Variants in DOCK11 observed in about 807,000 individuals in gnomAD.
DOCK11 encodes dedicator of cytokinesis protein 11.
Under a neutral mutation model 169.1 loss-of-function variants are expected in DOCK11, and 70 were observed. The observed-to-expected ratio is 0.41, with a 90% CI of 0.34 to 0.51. The LOEUF (loss-of-function observed/expected upper bound fraction) is 0.51, where lower values mean the gene tolerates loss of function less well. Among genes scored for constraint, DOCK11 ranks in the 20% least tolerant of loss-of-function variants. DOCK11 has a pLI of 0.10. For missense variants in DOCK11, 1,166 were observed against 1,538.8 expected (o/e 0.76, Z 4.05); for synonymous variants, 529 against 541.3 (o/e 0.98, Z 0.32).
At position 118,593,289 on chromosome X, in the gene DOCK11, A is replaced by T. The variant is rs777811564; in HGVS notation, c.2215A>T (p.Ile739Phe). 4.9e-5 allele frequency: 59 copies of T among 1,205,204 alleles called. No individual in the cohort carries two copies. The highest frequency in any genetic ancestry group is 6.4e-5 in the Non-Finnish European group (57 of 893,468). The part of the protein sequence containing the change: ...LFTFYHVSCE[I>F]NTKGTTKKQD... ...CACTTTTTATCATGTAAGTTGTGAAATTAACACAAAGGGAACAACCAAAAA... is the reference window on the plus strand; with the variant it reads ...CACTTTTTATCATGTAAGTTGTGAATTTAACACAAAGGGAACAACCAAAAA... The change falls in exon 20 of 53, where the codon ATT becomes TTT. Residue 739 changes from isoleucine to phenylalanine, a missense_variant. By Grantham distance (21) the Ile-to-Phe change is conservative (BLOSUM62 0). Coordinates refer to ENST00000276202, the MANE Select transcript of DOCK11 (RefSeq NM_144658.4).
chrX:118,619,684 C>T (rs1034141727), intron 31 of DOCK11, among the ~76,000 whole-genome samples: 1 of 109,065 alleles, frequency 9.2e-6, no homozygotes, highest in Non-Finnish European at 1.9e-5. Flanking sequence ...TTTCTTCTTA[C>T]TGAAAAAAAT....
chrX:118,633,344 C>T (rs1331828768), intron 35 of DOCK11: 1 of 112,093 alleles, frequency 8.9e-6, no homozygotes, highest in African/African-American at 3.2e-5. Context: ...TTCCAGTAAA[C>T]TTTCAGATAC....
chrX:118,565,270 A>C (rs753279118), intron 7 of DOCK11, among the ~76,000 whole-genome samples: 3 of 111,440 alleles, frequency 2.7e-5, no homozygotes, highest in East Asian at 5.6e-4. Context: ...GATATGGAAT[A>C]TTTCTACATA....
chrX:118,659,635 C>A (rs1227552408), intron 44 of DOCK11, among the ~76,000 whole-genome samples: 2 of 112,000 alleles, frequency 1.8e-5, no homozygotes, highest in South Asian at 3.7e-4. Context: ...CATTATCAGG[C>A]AGATGCATTA....
At chrX:118,677,872 T>G (rs1207861564) in intron 48 of DOCK11, among the ~76,000 whole-genome samples, 2 of 112,263 alleles carry the variant, frequency 1.8e-5, no homozygotes, top group East Asian at 5.5e-4. Context: ...CCCACAATAT[T>G]GATTACTGTA....
chrX:118,683,444 T>C (rs769265683), intron 52 of DOCK11, among the ~76,000 whole-genome samples: 58 of 112,192 alleles, frequency 5.2e-4, no homozygotes, highest in Non-Finnish European at 9.6e-4. Flanking sequence ...CATTTTGTTT[T>C]TTGTGCTCCA....
intron 1 of DOCK11, among the ~76,000 whole-genome samples, chrX:118,539,552 A>G (rs1362727202): frequency 9.0e-6 from 1 of 111,415 alleles, no homozygotes; most frequent in African/African-American, 3.3e-5. Flanking sequence ...ATAATTGAGT[A>G]CTGTACATCT....
intron 1 of DOCK11, among the ~76,000 whole-genome samples, chrX:118,520,621 A>G (rs981243700): frequency 9.0e-6 from 1 of 111,180 alleles, no homozygotes; most frequent in Non-Finnish European, 1.9e-5. Flanking sequence ...GAGGTTCTCC[A>G]TGTCTGGGTT....
chrX:118,641,079 G>A lies in DOCK11; in HGVS notation c.4145-111G>A, dbSNP rs749527802. ...GCTGGGATTACAGGCATGAGCCACC[G>A]CACCCAGCCGAGCCCCCTTTCTTGT... is the stretch of plus-strand genomic sequence containing the variant. On this transcript the variant is annotated intron_variant, in intron 38 of 52. Transcript: ENST00000276202. 1.7e-4 allele frequency: 95 copies of A among 557,093 alleles called. No homozygotes were observed. The South Asian group carries it at 2.2e-3, about 13-fold the overall frequency. 45.9% of individuals were successfully genotyped at this position (557,093 alleles called of 1,213,427 possible).
chrX:118,568,373 TATATATATATATATATATATA>T (rs1569418512), intron 10 of DOCK11, among the ~76,000 whole-genome samples: 8 of 1,155 alleles, frequency 6.9e-3, no homozygotes, highest in African/African-American at 0.022. Flanking sequence ...GGCTGAATTA[TATATATATATATATATATATA>T]TATATATATA....
At chrX:118,552,261 T>C (rs1241546604) in intron 6 of DOCK11, among the ~76,000 whole-genome samples, 1 of 111,367 alleles carries the variant, frequency 9.0e-6, no homozygotes, top group East Asian at 2.8e-4. Flanking sequence ...CAAACTAATT[T>C]GTATATGGGT....
chrX:118,684,188 C>G (rs962678130), intron 52 of DOCK11, among the ~76,000 whole-genome samples: 14 of 110,872 alleles, frequency 1.3e-4, no homozygotes, highest in African/African-American at 3.6e-4. Flanking sequence ...ATTCCTTGTC[C>G]CCTTTCAGTG....
chrX:118,661,952 A>G (rs956135988), intron 44 of DOCK11, among the ~76,000 whole-genome samples: 1 of 112,270 alleles, frequency 8.9e-6, no homozygotes, highest in Non-Finnish European at 1.9e-5. Flanking sequence ...CTTATTTGCT[A>G]GTAATAATTC....
intron 1 of DOCK11, among the ~76,000 whole-genome samples, chrX:118,512,980 A>G (rs1180522949): frequency 1.8e-5 from 2 of 111,310 alleles, no homozygotes; most frequent in African/African-American, 6.5e-5. Flanking sequence ...ACTATTCCCT[A>G]ACTGCTTTCC....
intron 23 of DOCK11, among the ~76,000 whole-genome samples, chrX:118,602,168 C>T (rs2014364426): frequency 9.9e-6 from 1 of 101,489 alleles, no homozygotes; most frequent in Non-Finnish European, 2.0e-5. Flanking sequence ...TGTAGACATT[C>T]AACTGGTTAG....
At position 118,681,093 on chromosome X, in the gene DOCK11, C is replaced by T. The variant is rs2016732650; in HGVS notation, c.5707C>T (p.Pro1903Ser). ...NSFPYVKKRI[P>S]INCEQQINLK... ...GTTTCCTTACGTGAAGAAGAGGATT[C>T]CTATTAACTGTGAACAGCAGATTAA... Residue 1903 changes from proline to serine, a missense_variant, in exon 50 of 53, where the codon CCT (proline) becomes TCT (serine). Pro to Ser is a moderately conservative substitution (Grantham distance 74, BLOSUM62 -1). Transcript: ENST00000276202. 2.5e-6 allele frequency: 3 copies of T among 1,191,733 alleles called. No homozygotes were observed. The highest frequency in any genetic ancestry group is 3.5e-5 in the African/African-American group (2 of 57,024).
chrX:118,509,028 C>T (rs114039315), intron 1 of DOCK11, among the ~76,000 whole-genome samples: 1 of 111,947 alleles, frequency 8.9e-6, no homozygotes, highest in South Asian at 3.7e-4. Context: ...AATCCATTTC[C>T]AGTCAACTGG....
chrX:118,552,030 T>A (rs2012511362), intron 6 of DOCK11, among the ~76,000 whole-genome samples: 1 of 44,546 alleles, frequency 2.2e-5, no homozygotes, highest in African/African-American at 1.0e-4. Flanking sequence ...AGAGCGACAC[T>A]CTGTCTCAAA....
intron 44 of DOCK11, 25 bp downstream of exon 44, chrX:118,654,986 TG>T (rs945377237): frequency 1.0e-5 from 12 of 1,167,365 alleles, no homozygotes; most frequent in Admixed American, 4.4e-5. Flanking sequence ...TTTTTAGAGA[TG>T]GGGGGATTTT....
Sources: allele counts gnomAD v4.1 joint callset (sites outside exome capture counted in the v4.1 genomes callset), GRCh38; gene constraint gnomAD v4.1.1; transcripts MANE v1.5; gene names NCBI Gene and HGNC (gene_info 2026-07-23, HGNC 2026-07-21).